The following SLC3A1 variants were observed in gnomAD, a reference collection of about 807,000 sequenced individuals.
SLC3A1 encodes the protein amino acid transporter heavy chain SLC3A1.
SLC3A1 carries 78 observed loss-of-function variants against 60.3 expected under a neutral mutation model. The observed-to-expected ratio is 1.29, with a 90% confidence interval of 1.08 to 1.56. The LOEUF (loss-of-function observed/expected upper bound fraction) is 1.56, where lower values mean the gene tolerates loss of function less well. SLC3A1 is among the 40% of genes most tolerant of loss of function. The pLI is 0.00. For synonymous variants in SLC3A1, 392 were observed against 307.9 expected (o/e 1.27, Z -2.86); for missense variants, 1,172 against 858.9 (o/e 1.36, Z -4.56).
intron 6 of SLC3A1, chr2:44,303,829 T>C: frequency 2.0e-6 from 1 of 509,894 alleles, no homozygotes; most frequent in Non-Finnish European, 3.6e-6. Context: ...GAACATGCGG[T>C]GTTTGGTTTT....
intron 4 of SLC3A1, among the ~76,000 whole-genome samples, chr2:44,296,198 C>G (rs543966980): frequency 7.9e-5 from 12 of 152,248 alleles, no homozygotes; most frequent in Middle Eastern, 6.8e-3. Context: ...GCTGCAAACC[C>G]TCCCCAGGGT....
Position 44,304,879 on chromosome 2 carries a change from T to C in SLC3A1, c.1332+541T>C, listed in dbSNP as rs564810535. 2.2e-3 allele frequency among the ~76,000 whole-genome samples: 297 copies of C among 132,314 alleles called. 1 individual carries two copies. The highest frequency in any genetic ancestry group is 3.6e-3 in the Non-Finnish European group (229 of 64,240). 86.8% of individuals were successfully genotyped at this position (132,314 alleles called of 152,430 possible). A position where few individuals can be genotyped will look rare whatever the true frequency, so the allele number is the denominator to read the frequency against. The stretch of plus-strand genomic sequence containing the variant: ...ACTCTGCACCCAGCCTGGAGTGCAA[T>C]GGTGCAGTCATGGCTCACTGCAGCC... On this transcript the variant is annotated intron_variant, in intron 7 of 9. Transcript: ENST00000260649.
At chr2:44,298,364 C>T (rs1671909834) in intron 4 of SLC3A1, among the ~76,000 whole-genome samples, 1 of 150,836 alleles carries the variant, frequency 6.6e-6, no homozygotes, top group Non-Finnish European at 1.5e-5. Flanking sequence ...CACTGGCCAC[C>T]CCCCTATCCC....
chr2:44,291,009 T>C (rs955626980), intron 4 of SLC3A1, among the ~76,000 whole-genome samples: 2 of 152,138 alleles, frequency 1.3e-5, no homozygotes, highest in African/African-American at 4.8e-5. Context: ...ATTTACGAGG[T>C]TTTGTGATCA....
intron 4 of SLC3A1, among the ~76,000 whole-genome samples, chr2:44,293,046 G>A (rs1458790857): frequency 6.6e-6 from 1 of 152,104 alleles, no homozygotes; most frequent in African/African-American, 2.4e-5. Flanking sequence ...GAGGTGCAGA[G>A]AAATCATCAG....
intron 4 of SLC3A1, among the ~76,000 whole-genome samples, chr2:44,297,872 A>AGC (rs1671894080): frequency 6.6e-6 from 1 of 152,118 alleles, no homozygotes; most frequent in Admixed American, 6.6e-5. Context: ...TGCTGAGATT[A>AGC]CAGGTGTGAG....
intron 4 of SLC3A1, 75 bp from the exon 5 acceptor site, chr2:44,299,896 C>A: frequency 6.8e-7 from 1 of 1,465,736 alleles, no homozygotes; most frequent in African/African-American, 1.4e-5. Flanking sequence ...AAGTTGTTAA[C>A]AGTCAAAACT....
chr2:44,285,644 G>A (rs778536685), intron 3 of SLC3A1: 4 of 479,038 alleles, frequency 8.4e-6, no homozygotes, highest in South Asian at 6.2e-5. Context: ...TCCAAGATGA[G>A]CGGAATGTTT....
intron 9 of SLC3A1, chr2:44,317,928 C>A: frequency 4.1e-6 from 1 of 246,362 alleles, no homozygotes; most frequent in South Asian, 3.7e-5. Context: ...TAACATAAAA[C>A]ACAAAGAATT....
In SLC3A1 at chr2:44,320,547, C is replaced by T; in HGVS notation, c.1966C>T (p.Leu656Phe). The T allele has an allele frequency of 1.2e-6, 2 of 1,614,056 alleles. No individual in the cohort carries two copies. The highest frequency in any genetic ancestry group is 1.7e-6 in the Non-Finnish European group (2 of 1,179,932). The change falls in exon 10 of 10, where the codon CTT becomes TTT. Residue 656 changes from leucine to phenylalanine, a missense_variant. Leu to Phe is a conservative substitution (Grantham distance 22). Transcript: ENST00000260649. The stretch of plus-strand genomic sequence containing the variant: ...CTTTGAACACAACACGAAGAATCTC[C>T]TTCATCGCCAAACAGCTTTCAGAGA... ...LIFEHNTKNLLHRQTAFRDRC... is the reference protein window; with the variant it reads ...LIFEHNTKNLFHRQTAFRDRC...
rs116064170 is a variant in SLC3A1, at chr2:44,276,291, C to A, written c.430+326C>A. Among the ~76,000 whole-genome samples, 569 of 152,228 alleles carry A rather than the reference C, an allele frequency of 3.7e-3. 4 individuals are homozygous for A. The highest frequency in any genetic ancestry group is 6.7e-3 in the Admixed American group (102 of 15,286). Reference sequence around the variant, plus strand: ...TCCTTCTAAAATCTATGTCCTGTTTCTGGGGACTTTATAGTTGAATATGTC... The same window carrying A: ...TCCTTCTAAAATCTATGTCCTGTTTATGGGGACTTTATAGTTGAATATGTC... On this transcript the variant is annotated intron_variant, in intron 1 of 9. Transcript: ENST00000260649.
At chr2:44,303,457 A>C (rs1332856129) in intron 6 of SLC3A1, among the ~76,000 whole-genome samples, 1 of 151,660 alleles carries the variant, frequency 6.6e-6, no homozygotes, top group Non-Finnish European at 1.5e-5. Flanking sequence ...GGCTGGTCTC[A>C]AACTCCTGAC....
chr2:44,312,840 TCTCTCTATTGCATTG>T, intron 8 of SLC3A1, 87 bp downstream of exon 8: 1 of 1,051,094 alleles, frequency 9.5e-7, no homozygotes, highest in Non-Finnish European at 1.4e-6. Context: ...GAACTTACTA[TCTCTCTATTGCATTG>T]CTGAAAATCA....
chr2:44,307,759 T>G (rs1014981223), intron 7 of SLC3A1, among the ~76,000 whole-genome samples: 2 of 152,156 alleles, frequency 1.3e-5, no homozygotes, highest in Non-Finnish European at 2.9e-5. Flanking sequence ...TTGCAAGTAT[T>G]TTCTCCCATT....
chr2:44,321,775 A>C, downstream of SLC3A1: 5 of 1,613,698 alleles, frequency 3.1e-6, no homozygotes, highest in Non-Finnish European at 4.2e-6. Flanking sequence ...ATGTGAAAAC[A>C]ACATGTATCT....
At chr2:44,308,900 C>A (rs542438306) in intron 7 of SLC3A1, among the ~76,000 whole-genome samples, 2 of 151,916 alleles carry the variant, frequency 1.3e-5, no homozygotes, top group Non-Finnish European at 2.9e-5. Flanking sequence ...GCCTGGCTAA[C>A]TTCTTGTATT....
intron 1 of SLC3A1, among the ~76,000 whole-genome samples, chr2:44,279,295 C>A (rs1261677391): frequency 6.6e-6 from 1 of 152,144 alleles, no homozygotes; most frequent in Non-Finnish European, 1.5e-5. Flanking sequence ...CCACTGTGTC[C>A]TGCCTTCTCA....
At chr2:44,298,026 C>T (rs1418802628) in intron 4 of SLC3A1, among the ~76,000 whole-genome samples, 1 of 152,140 alleles carries the variant, frequency 6.6e-6, no homozygotes, top group Non-Finnish European at 1.5e-5. Context: ...ATGAATAATG[C>T]TGCTATGAAT....
At chr2:44,313,729 A>T in intron 8 of SLC3A1, 106 bp from the exon 9 acceptor site, 1 of 955,484 alleles carries the variant, frequency 1.0e-6, no homozygotes, top group Non-Finnish European at 1.7e-6. Flanking sequence ...TACAAACACT[A>T]GCTAAGAACT....
Sources: gnomAD v4.1 joint callset for allele counts (sites outside exome capture counted in the v4.1 genomes callset) on GRCh38, gnomAD v4.1.1 for gene constraint, MANE v1.5 for transcripts, NCBI Gene and HGNC (gene_info 2026-07-23, HGNC 2026-07-21) for gene names.